ARL14EPL: variants seen among roughly 807,000 people sequenced by gnomAD.
ARL14EPL encodes the protein ARF like GTPase 14 effector protein like.
A neutral mutation model predicts 15.9 loss-of-function variants in ARL14EPL; 17 were observed. The observed-to-expected ratio is 1.07, with a 90% CI of 0.73 to 1.60. The LOEUF (loss-of-function observed/expected upper bound fraction) is 1.60. Among genes scored for constraint, ARL14EPL ranks in the 40% most tolerant of loss-of-function variants. ARL14EPL has a pLI of 0.00. For missense variants in ARL14EPL, 214 were observed against 185.9 expected, an observed-to-expected ratio of 1.15 and a Z score of -0.88; for synonymous variants, 78 against 63.8, an observed-to-expected ratio of 1.22 and a Z score of -1.06.
chr5:116,053,177 A>G (rs1337150659), intron 2 of ARL14EPL, among the ~76,000 whole-genome samples: 1 of 151,986 alleles, frequency 6.6e-6, no homozygotes, highest in African/African-American at 2.4e-5. Context: ...GTGAAACCCC[A>G]TCTCTACTGC....
chr5:116,053,510 C>T (rs1486937876), intron 2 of ARL14EPL, among the ~76,000 whole-genome samples: 1 of 152,114 alleles, frequency 6.6e-6, no homozygotes, highest in Non-Finnish European at 1.5e-5. Context: ...GAATTGGAGA[C>T]CCCCCGCGTG....
intron 2 of ARL14EPL, chr5:116,051,829 A>G: frequency 2.0e-6 from 2 of 990,128 alleles, no homozygotes; most frequent in African/African-American, 1.6e-5. Flanking sequence ...TGGAGAATAT[A>G]TACAAACGTT....
chr5:116,051,405 A>T, intron 1 of ARL14EPL, 52 bp from the exon 2 acceptor site: 1 of 1,072,574 alleles, frequency 9.3e-7, no homozygotes, highest in Non-Finnish European at 1.4e-6. Context: ...AGATATAGTT[A>T]CTGGAGATAG....
rs774840180 is a variant in ARL14EPL, at chr5:116,058,894, G to C, written c.406G>C (p.Val136Leu). The change falls in exon 4 of 4, where the codon GTC (valine) becomes CTC (leucine). Residue 136 changes from valine (V) to leucine (L), a missense_variant. Coordinates refer to ENST00000686077, the MANE Select transcript of ARL14EPL (RefSeq NM_001195581.2). Reference sequence around the variant, plus strand: ...CCGACGGTGGGTTTACGATGCCATCGTCACTGAGTCAGGAGAGGTCATCAG... The same window carrying C: ...CCGACGGTGGGTTTACGATGCCATCCTCACTGAGTCAGGAGAGGTCATCAG... The part of the protein sequence containing the change: ...CNRRWVYDAI[V>L]TESGEVISTL... 2.5e-4 allele frequency: 379 copies of C among 1,535,960 alleles called. No individual in the cohort carries two copies. The highest frequency in any genetic ancestry group is 3.2e-4 in the Non-Finnish European group (362 of 1,146,894).
In ARL14EPL at chr5:116,039,851, A is replaced by G. The variant is rs184673259; in HGVS notation, c.-10+7346A>G. The stretch of plus-strand genomic sequence containing the variant: ...AACAAATTTATGCCAATAAGGTTGA[A>G]AACTTAGAAGAAATGATTACATTCC... On this transcript the variant is annotated intron_variant, in intron 1 of 3. Coordinates refer to ENST00000686077, the MANE Select transcript of ARL14EPL (RefSeq NM_001195581.2). Among the ~76,000 whole-genome samples the G allele has an allele frequency of 6.9e-3, 1,054 of 152,322 alleles. 12 individuals carry two copies. The highest frequency in any genetic ancestry group is 0.024 in the African/African-American group (1,010 of 41,576).
intron 1 of ARL14EPL, among the ~76,000 whole-genome samples, chr5:116,048,405 A>G (rs1159041465): frequency 6.6e-6 from 1 of 152,152 alleles, no homozygotes; most frequent in Non-Finnish European, 1.5e-5. Flanking sequence ...GCCTTTTGGC[A>G]GTTCTTAATC....
chr5:116,040,252 A>G (rs893974587), intron 1 of ARL14EPL, among the ~76,000 whole-genome samples: 1 of 152,068 alleles, frequency 6.6e-6, no homozygotes, highest in African/African-American at 2.4e-5. Context: ...TATTATAGGC[A>G]TTTGGTTTAA....
intron 1 of ARL14EPL, among the ~76,000 whole-genome samples, chr5:116,040,927 C>T (rs1176128484): frequency 1.5e-5 from 2 of 135,400 alleles, no homozygotes; most frequent in Admixed American, 1.6e-4. Flanking sequence ...TTGCAGTGAG[C>T]TGAAATAGCG....
intron 1 of ARL14EPL, among the ~76,000 whole-genome samples, chr5:116,038,664 G>A (rs1270060572): frequency 7.9e-6 from 1 of 125,830 alleles, no homozygotes; most frequent in Admixed American, 9.9e-5. Context: ...TCAAGGCAGG[G>A]AAACCAGGTT....
chr5:116,047,821 G>A (rs1432618920), intron 1 of ARL14EPL, among the ~76,000 whole-genome samples: 2 of 152,114 alleles, frequency 1.3e-5, no homozygotes, highest in Non-Finnish European at 2.9e-5. Context: ...TTTATGGCTG[G>A]CCTTGGAGAA....
chr5:116,044,776 T>C (rs1176202425), intron 1 of ARL14EPL, among the ~76,000 whole-genome samples: 1 of 152,010 alleles, frequency 6.6e-6, no homozygotes, highest in Non-Finnish European at 1.5e-5. Context: ...ATTTTCTACC[T>C]CCCCTCGTCC....
rs981158146 is a variant in ARL14EPL, at chr5:116,054,057, C to A, written c.140C>A (p.Pro47His). 2.6e-6 allele frequency: 4 copies of A among 1,535,378 alleles called. No individual in the cohort carries two copies. Among genetic ancestry groups the A allele is most frequent in the Non-Finnish European group, 3.5e-6 (4 of 1,146,600 alleles). ...RQLKCLAFRN[P>H]GPQVADFNPE... ...TTAAAATGCTTGGCATTTCGAAACC[C>A]TGGACCACAGGTAGCAGACTTTAAT... Residue 47 changes from proline to histidine, a missense_variant, in exon 3 of 4, where the codon CCT (proline) becomes CAT (histidine). Pro to His is a moderately conservative substitution (Grantham distance 77). Coordinates refer to ENST00000686077, the MANE Select transcript of ARL14EPL (RefSeq NM_001195581.2).
chr5:116,040,326 G>T (rs891596717), intron 1 of ARL14EPL, among the ~76,000 whole-genome samples: 5 of 150,352 alleles, frequency 3.3e-5, no homozygotes, highest in African/African-American at 7.3e-5. Flanking sequence ...AGAAATTATA[G>T]AATTTATATA....
At chr5:116,058,622 C>T (rs1749574413) in intron 3 of ARL14EPL, 103 bp from the exon 4 acceptor site, 2 of 1,116,692 alleles carry the variant, frequency 1.8e-6, no homozygotes. Context: ...AGTTCTGGGT[C>T]AGGGTAAAAT....
rs193060013 is a variant in ARL14EPL, at chr5:116,054,039, G to T, written c.122G>T (p.Cys41Phe). The T allele has an allele frequency of 6.5e-7, 1 of 1,535,412 alleles. No individual in the cohort carries two copies. The highest frequency in any genetic ancestry group is 2.4e-5 in the East Asian group (1 of 40,896). Residue 41 changes from cysteine to phenylalanine, a missense_variant, in exon 3 of 4, where the codon TGC becomes TTC. Coordinates refer to ENST00000686077, the MANE Select transcript of ARL14EPL (RefSeq NM_001195581.2). The part of the protein sequence containing the change: ...QLQQIERQLK[C>F]LAFRNPGPQV... Reference sequence around the variant, plus strand: ...CAACAAATAGAGCGGCAGTTAAAATGCTTGGCATTTCGAAACCCTGGACCA... The same window carrying T: ...CAACAAATAGAGCGGCAGTTAAAATTCTTGGCATTTCGAAACCCTGGACCA...
chr5:116,037,506 A>G, intron 1 of ARL14EPL, among the ~76,000 whole-genome samples: 1 of 152,078 alleles, frequency 6.6e-6, no homozygotes, highest in East Asian at 1.9e-4. Context: ...AGCAGTGTCC[A>G]TTTTGGCTCA....
intron 1 of ARL14EPL, among the ~76,000 whole-genome samples, chr5:116,036,034 T>A (rs1749044233): frequency 6.6e-6 from 1 of 152,162 alleles, no homozygotes; most frequent in Non-Finnish European, 1.5e-5. Context: ...CAAAATGTGG[T>A]TTACATAGTC....
At chr5:116,035,362 G>T (rs532799057) in intron 1 of ARL14EPL, among the ~76,000 whole-genome samples, 1 of 152,312 alleles carries the variant, frequency 6.6e-6, no homozygotes, top group African/African-American at 2.4e-5. Context: ...AATCGTGGGG[G>T]TACTGGGAGT....
intron 1 of ARL14EPL, among the ~76,000 whole-genome samples, chr5:116,042,586 A>G (rs1175120656): frequency 2.0e-5 from 3 of 152,228 alleles, no homozygotes; most frequent in African/African-American, 7.2e-5. Flanking sequence ...TACCCAGACA[A>G]TAAGGGCTAT....
Sources: allele counts gnomAD v4.1 joint callset (sites outside exome capture counted in the v4.1 genomes callset), GRCh38; gene constraint gnomAD v4.1.1; transcripts MANE v1.5; gene names NCBI Gene and HGNC (gene_info 2026-07-23, HGNC 2026-07-21).